CFAP299: variants seen among roughly 807,000 people sequenced by gnomAD.
The protein encoded by CFAP299 is cilia and flagella associated protein 299.
A neutral mutation model predicts 27.0 loss-of-function variants in CFAP299; 21 were observed. The observed-to-expected ratio is 0.78, with a 90% CI of 0.55 to 1.12. CFAP299 has a LOEUF of 1.12. Ranked by LOEUF, CFAP299 falls within the 50% of genes most tolerant of loss-of-function variation. CFAP299 has a pLI of 0.00. For synonymous variants in CFAP299, 104 were observed against 98.1 expected (o/e 1.06, Z -0.36); for missense variants, 310 against 276.6 (o/e 1.12, Z -0.86).
intron 2 of CFAP299, chr4:80,386,136 A>G (rs1299921759): frequency 3.9e-6 from 2 of 512,668 alleles, no homozygotes; most frequent in Admixed American, 3.3e-5. Flanking sequence ...GGACCCAAAC[A>G]TGAGCATCAG....
At chr4:80,488,322 G>C (rs536980016) in intron 2 of CFAP299, among the ~76,000 whole-genome samples, 4 of 152,266 alleles carry the variant, frequency 2.6e-5, no homozygotes, top group Non-Finnish European at 5.9e-5. Flanking sequence ...TATTGTCTCA[G>C]AAATATGAGA....
chr4:80,321,727 A>T, the CFAP299 span, among the ~76,000 whole-genome samples: 1 of 152,196 alleles, frequency 6.6e-6, no homozygotes, highest in African/African-American at 2.4e-5. Context: ...ATGAGTGCAG[A>T]TCATGATGTT....
intron 3 of CFAP299, among the ~76,000 whole-genome samples, chr4:80,697,558 G>T (rs1046542757): frequency 6.6e-6 from 1 of 152,156 alleles, no homozygotes; most frequent in Non-Finnish European, 1.5e-5. Context: ...TAATCTTTTG[G>T]ACTTGGTGTT....
chr4:80,419,433 C>G (rs1434497749), intron 2 of CFAP299, among the ~76,000 whole-genome samples: 1 of 152,170 alleles, frequency 6.6e-6, no homozygotes, highest in Non-Finnish European at 1.5e-5. Flanking sequence ...ACCAGTTTAG[C>G]ATTCCTAGAA....
At chr4:80,502,866 G>T (rs147000678) in intron 2 of CFAP299, among the ~76,000 whole-genome samples, 193 of 152,148 alleles carry the variant, frequency 1.3e-3, no homozygotes, top group Middle Eastern at 6.8e-3. Context: ...TCAGGACTCT[G>T]GTTTACCCAT....
At chr4:80,700,837 G>T (rs2220248) in intron 3 of CFAP299, among the ~76,000 whole-genome samples, 10,487 of 151,876 alleles carry the variant, frequency 0.069, 815 homozygotes, top group African/African-American at 0.18. Flanking sequence ...TTTATACAAA[G>T]CCAGAAGAGG....
At chr4:80,399,798 C>A (rs1726039527) in intron 2 of CFAP299, among the ~76,000 whole-genome samples, 1 of 152,004 alleles carries the variant, frequency 6.6e-6, no homozygotes, top group South Asian at 2.1e-4. Flanking sequence ...ATGTAACAAA[C>A]CTGCACGTTG....
chr4:80,409,253 G>A (rs1256195978), intron 2 of CFAP299, among the ~76,000 whole-genome samples: 1 of 151,828 alleles, frequency 6.6e-6, no homozygotes, highest in African/African-American at 2.4e-5. Context: ...TGAGTTATTG[G>A]CAGCCCTAAA....
intron 2 of CFAP299, among the ~76,000 whole-genome samples, chr4:80,445,529 T>TG (rs1728578082): frequency 6.6e-6 from 1 of 151,912 alleles, no homozygotes; most frequent in African/African-American, 2.4e-5. Context: ...TGTCAGGGGT[T>TG]GGGGGAAAGG....
At chr4:80,944,729 T>C (rs1258810357) in intron 4 of CFAP299, 81 bp from the exon 5 acceptor site, 1 of 1,051,496 alleles carries the variant, frequency 9.5e-7, no homozygotes, top group Non-Finnish European at 1.4e-6. Flanking sequence ...ATGACTGAAC[T>C]TCCCCAAATA....
At chr4:80,909,675 C>T (rs1014732099) in intron 4 of CFAP299, among the ~76,000 whole-genome samples, 12 of 151,674 alleles carry the variant, frequency 7.9e-5, no homozygotes, top group East Asian at 1.9e-4. Context: ...AAACTTTAAA[C>T]GGGATAAGAA....
intron 3 of CFAP299, among the ~76,000 whole-genome samples, chr4:80,692,454 C>T (rs1178275123): frequency 6.6e-6 from 1 of 152,150 alleles, no homozygotes; most frequent in African/African-American, 2.4e-5. Context: ...AAAGGATTCC[C>T]TATTTAATAA....
rs533560343 is a variant in CFAP299 at position 80,483,314 on chromosome 4, T to C, written c.243-99779T>C. Among the ~76,000 whole-genome samples the C allele has an allele frequency of 5.1e-4, 77 of 152,318 alleles. No individual in the cohort carries two copies. The South Asian group carries it at 0.016, about 31-fold the overall frequency. On this transcript the variant is annotated intron_variant, in intron 2 of 5. Transcript: ENST00000358105. ...TATAAGATAAGAAATTTATGTTGCCTTACACCACTAAGTTGGTGGTAATTT... is the reference window on the plus strand; with the variant it reads ...TATAAGATAAGAAATTTATGTTGCCCTACACCACTAAGTTGGTGGTAATTT...
chr4:80,768,042 G>A (rs1725995350), intron 3 of CFAP299, among the ~76,000 whole-genome samples: 1 of 152,008 alleles, frequency 6.6e-6, no homozygotes, highest in South Asian at 2.1e-4. Flanking sequence ...TGTTTGCCTT[G>A]GATATAAAAA....
intron 2 of CFAP299, chr4:80,386,478 C>T (rs536880815): frequency 2.1e-5 from 32 of 1,538,054 alleles, no homozygotes; most frequent in Middle Eastern, 3.5e-4. Context: ...ACTGCCGCCA[C>T]GGCGCGGGGC....
intron 3 of CFAP299, among the ~76,000 whole-genome samples, chr4:80,790,769 A>C (rs1727515906): frequency 6.6e-6 from 1 of 152,048 alleles, no homozygotes; most frequent in Admixed American, 6.6e-5. Context: ...TACAAACCAC[A>C]ATCAGCAGGA....
chr4:80,394,333 T>A (rs1412774426), intron 2 of CFAP299, among the ~76,000 whole-genome samples: 1 of 152,144 alleles, frequency 6.6e-6, no homozygotes, highest in Non-Finnish European at 1.5e-5. Context: ...ATTTTGAATA[T>A]TAACTCTTTT....
At chr4:80,668,109 T>C (rs1392131315) in intron 3 of CFAP299, among the ~76,000 whole-genome samples, 5 of 151,986 alleles carry the variant, frequency 3.3e-5, no homozygotes, top group Non-Finnish European at 7.4e-5. Flanking sequence ...CCTCTGTATT[T>C]CGTCTTTTGG....
Position 80,575,616 on chromosome 4 carries a change from T to A in CFAP299, c.243-7477T>A, listed in dbSNP as rs111264975. 5.6e-3 allele frequency among the ~76,000 whole-genome samples: 859 copies of A among 152,254 alleles called. 8 individuals are homozygous for A. The highest frequency in any genetic ancestry group is 6.2e-3 in the Non-Finnish European group (425 of 68,010). On this transcript the variant is annotated intron_variant, in intron 2 of 5. Transcript: ENST00000358105. ...AATTTTCCCTTTTGTTGAACATTTATATTGTTTTCTTCATTTCAATTTAAT... is the reference window on the plus strand; with the variant it reads ...AATTTTCCCTTTTGTTGAACATTTAAATTGTTTTCTTCATTTCAATTTAAT...
Sources: allele counts gnomAD v4.1 joint callset (sites outside exome capture counted in the v4.1 genomes callset), GRCh38; gene constraint gnomAD v4.1.1; transcripts MANE v1.5; gene names NCBI Gene and HGNC (gene_info 2026-07-23, HGNC 2026-07-21).